ARID3A: variants seen among roughly 807,000 people sequenced by gnomAD.
ARID3A encodes the protein AT-rich interaction domain 3A, also known as AT-rich interactive domain-containing protein 3A.
Under a neutral mutation model 52.7 loss-of-function variants are expected in ARID3A, and 11 were observed. That is an observed-to-expected ratio of 0.21 (90% CI 0.13 to 0.35). The LOEUF is 0.35. ARID3A is among the 10% of genes least tolerant of loss of function. The probability of loss-of-function intolerance (pLI) is 1.00; values close to 1 mark genes in which losing one functional copy is unlikely to be tolerated. For missense variants in ARID3A, 721 were observed against 838.5 expected (o/e 0.86, Z 1.73); for synonymous variants, 404 against 359.4 (o/e 1.12, Z -1.40).
chr19:951,151 C>G (rs1395064124), intron 3 of ARID3A, among the ~76,000 whole-genome samples: 1 of 151,776 alleles, frequency 6.6e-6, no homozygotes, highest in Non-Finnish European at 1.5e-5. Flanking sequence ...GAGACGGGGT[C>G]TCGCTGTGTT....
intron 3 of ARID3A, among the ~76,000 whole-genome samples, chr19:933,840 A>G (rs1372922932): frequency 1.3e-5 from 1 of 79,934 alleles, no homozygotes; most frequent in Non-Finnish European, 2.5e-5. Flanking sequence ...AGCGGCGGGG[A>G]CTCGGTGGGG....
In ARID3A at chr19:942,763, T is replaced by C. The variant is rs2037584361; in HGVS notation, c.693+10021T>C. ...CGCTGGACATAGTGCCCAGATTCCA[T>C]GCCCAGCAGCCTCCTCTGCCACCCT... On this transcript the variant is annotated intron_variant, in intron 3 of 8. Transcript: ENST00000263620. This position sits in a 1 kb window ranked among gnomAD's most constrained non-coding sequence, Gnocchi z 8.1. Among the ~76,000 whole-genome samples the C allele has an allele frequency of 6.6e-6, 1 of 152,134 alleles. No homozygotes were observed. The highest frequency in any genetic ancestry group is 1.5e-5 in the Non-Finnish European group (1 of 68,016).
chr19:931,300 A>G (rs1019939853), intron 2 of ARID3A, among the ~76,000 whole-genome samples: 8 of 151,704 alleles, frequency 5.3e-5, no homozygotes, highest in Non-Finnish European at 1.2e-4. Context: ...CTCAAAAAAC[A>G]AAACTGGCCG....
At chr19:956,400 A>G (rs983819406) in intron 3 of ARID3A, 5 of 151,446 alleles carry the variant, frequency 3.3e-5, no homozygotes, top group Non-Finnish European at 7.4e-5. Flanking sequence ...CCCCAGATAC[A>G]CTCCTAGATC....
rs1361465909 is a variant in ARID3A, at chr19:959,084, A to G, written c.694-1008A>G. On this transcript the variant is annotated intron_variant, in intron 3 of 8. Transcript: ENST00000263620. This position sits in a 1 kb window ranked among gnomAD's most constrained non-coding sequence, Gnocchi z 5.0. ...TCCACCCGTGAGGTGTGTGTGACTC[A>G]CTGTTTGATGTTCACACTGACGAAA... is the stretch of plus-strand genomic sequence containing the variant. Among the ~76,000 whole-genome samples, 1 of 152,126 alleles carries G rather than the reference A, an allele frequency of 6.6e-6. No individual in the cohort carries two copies. Among genetic ancestry groups the G allele is most frequent in the Admixed American group, 6.6e-5 (1 of 15,264 alleles).
Position 929,635 on chromosome 19 carries a change from CCGGCCGGGCCCGGGCTGCCCCCGA to C in ARID3A, c.110_133del (p.Gly37_Asp44del). 1 of 1,528,350 alleles carries C rather than the reference CCGGCCGGGCCCGGGCTGCCCCCGA, an allele frequency of 6.5e-7. No homozygotes were observed. The highest frequency in any genetic ancestry group is 2.5e-5 in the East Asian group (1 of 40,314). 94.7% of individuals were successfully genotyped at this position (1,528,350 alleles called of 1,614,324 possible). On this transcript the variant is annotated inframe_deletion, in exon 2 of 9. Transcript: ENST00000263620. The surrounding 1 kb of genome is among the most constrained non-coding windows in gnomAD (Gnocchi z 6.2). ...CCCCCCGATCCCCCTGCTGCACCCC[CCGGCCGGGCCCGGGCTGCCCCCGA>C]CGAGGACAGAGAGCCCGAGAGTGCC...
At chr19:966,363 C>T (rs1457077340) in intron 6 of ARID3A, among the ~76,000 whole-genome samples, 1 of 149,084 alleles carries the variant, frequency 6.7e-6, no homozygotes, top group Non-Finnish European at 1.5e-5. Flanking sequence ...GAGGCTAAGG[C>T]AGGAGAATCA....
intron 3 of ARID3A, among the ~76,000 whole-genome samples, chr19:948,390 G>A (rs963259861): frequency 1.3e-5 from 2 of 152,132 alleles, no homozygotes; most frequent in Non-Finnish European, 2.9e-5. Flanking sequence ...TTCCGGGACG[G>A]GAAAAACAGC....
chr19:967,116 G>T (rs527989942), intron 7 of ARID3A, among the ~76,000 whole-genome samples: 1 of 151,966 alleles, frequency 6.6e-6, no homozygotes, highest in Non-Finnish European at 1.5e-5. Flanking sequence ...CAAATTAGCC[G>T]GGCGTGGCAG....
intron 3 of ARID3A, among the ~76,000 whole-genome samples, chr19:955,826 C>CG (rs1435240981): frequency 1.3e-5 from 2 of 152,128 alleles, no homozygotes; most frequent in African/African-American, 4.8e-5. Context: ...GGTTCTTAGC[C>CG]GGGGGGCTGC....
chr19:928,261 G>C (rs1361969110), intron 1 of ARID3A: 1 of 152,240 alleles, frequency 6.6e-6, no homozygotes, highest in Non-Finnish European at 1.5e-5. Context: ...CAGGCCTGTT[G>C]GGTTCTGCCC....
At chr19:949,198 G>A (rs1388958686) in intron 3 of ARID3A, among the ~76,000 whole-genome samples, 1 of 139,368 alleles carries the variant, frequency 7.2e-6, no homozygotes, top group Non-Finnish European at 1.5e-5. Context: ...AGGGCCCCAG[G>A]GGTGTGGGGA....
Position 932,694 on chromosome 19 carries a change from G to A in ARID3A, c.645G>A (p.Leu215=). Residue 215 remains leucine, a synonymous_variant, in exon 3 of 9, where the codon CTG becomes CTA. Transcript: ENST00000263620. ...GGGCCGCCCACGTAGCCCCGCAGCT[G>A]CAGCCGCCTGACCACGGCGACTGGA... ...PGGAAHVAPQ[L]QPPDHGDWTY... is the part of the protein sequence containing the mutation. 1.3e-6 allele frequency: 2 copies of A among 1,547,076 alleles called. No homozygotes were observed. The highest frequency in any genetic ancestry group is 1.7e-6 in the Non-Finnish European group (2 of 1,146,404).
At chr19:940,295 G>A (rs115237371) in intron 3 of ARID3A, among the ~76,000 whole-genome samples, 2,047 of 152,050 alleles carry the variant, frequency 0.013, 54 homozygotes, top group African/African-American at 0.044. Flanking sequence ...TACCTGATGA[G>A]CCAAAAAAAA....
At chr19:940,334 G>A (rs1282868674) in intron 3 of ARID3A, among the ~76,000 whole-genome samples, 3 of 151,992 alleles carry the variant, frequency 2.0e-5, no homozygotes, top group Non-Finnish European at 4.4e-5. Flanking sequence ...CGTGCGCTAA[G>A]AAATGTACGC....
chr19:937,590 A>C (rs1568358481), intron 3 of ARID3A, among the ~76,000 whole-genome samples: 1 of 151,874 alleles, frequency 6.6e-6, no homozygotes. Flanking sequence ...ATATTCACCC[A>C]TCAGAGGAAC....
At chr19:970,004 A>AT (rs1346361410) in intron 8 of ARID3A, among the ~76,000 whole-genome samples, 3 of 151,824 alleles carry the variant, frequency 2.0e-5, no homozygotes, top group African/African-American at 7.3e-5. Context: ...ATATATACAT[A>AT]TTTTTTTAAA....
chr19:929,365 C>G lies in ARID3A; in HGVS notation c.-164C>G. 5.2e-5 allele frequency: 11 copies of G among 211,654 alleles called. No individual in the cohort carries two copies. The highest frequency in any genetic ancestry group is 8.8e-5 in the Non-Finnish European group (10 of 113,950). The allele number at this position is 211,654 out of a possible 1,614,324, so 13.1% of individuals were successfully genotyped here. A position where few individuals can be genotyped will look rare whatever the true frequency, so the allele number is the denominator to read the frequency against. Reference sequence around the variant, plus strand: ...CAGCCTTCAGCTTGAGCCCGGCGGCCCCCGCCCCCGCCCCCTGCCACCCTG... The same window carrying G: ...CAGCCTTCAGCTTGAGCCCGGCGGCGCCCGCCCCCGCCCCCTGCCACCCTG... On this transcript the variant is annotated 5_prime_UTR_variant, in exon 2 of 9. Coordinates refer to ENST00000263620, the MANE Select transcript of ARID3A (RefSeq NM_005224.3). This position sits in a 1 kb window ranked among gnomAD's most constrained non-coding sequence, Gnocchi z 6.2.
intron 8 of ARID3A, among the ~76,000 whole-genome samples, chr19:970,843 A>G (rs2038264124): frequency 6.6e-6 from 1 of 152,124 alleles, no homozygotes; most frequent in Non-Finnish European, 1.5e-5. Context: ...GGCGCTGTCG[A>G]CACAGAGCAG....
Sources: gnomAD v4.1 joint callset for allele counts (sites outside exome capture counted in the v4.1 genomes callset) on GRCh38, gnomAD v4.1.1 for gene constraint, Gnocchi (gnomAD v3.1) non-coding constraint, MANE v1.5 for transcripts, NCBI Gene and HGNC (gene_info 2026-07-23, HGNC 2026-07-21) for gene names.